LOC122539214: variants seen among roughly 807,000 people sequenced by gnomAD.
the LOC122539214 span, chr19:52,655,397 C>CT: frequency 1.4e-6 from 1 of 694,060 alleles, no homozygotes; most frequent in Non-Finnish European, 2.4e-6. Flanking sequence ...AGGATAGTCT[C>CT]TAAGAAGCTG....
At chr19:52,666,109 A>C in the LOC122539214 span, among the ~76,000 whole-genome samples, 1 of 149,740 alleles carries the variant, frequency 6.7e-6, no homozygotes, top group African/African-American at 2.5e-5. Context: ...GCTTGCAGTG[A>C]GCCAAGATCG....
At chr19:52,676,435 GC>G in the LOC122539214 span, among the ~76,000 whole-genome samples, 1 of 152,040 alleles carries the variant, frequency 6.6e-6, no homozygotes, top group Non-Finnish European at 1.5e-5. Flanking sequence ...TCTCTGCCTG[GC>G]CGCCCATGTC....
chr19:52,667,354 G>A, the LOC122539214 span, among the ~76,000 whole-genome samples: 1 of 152,018 alleles, frequency 6.6e-6, no homozygotes. Flanking sequence ...AGAAAGTTGA[G>A]GCATGTTGAA....
chr19:52,656,989 G>A, the LOC122539214 span, among the ~76,000 whole-genome samples: 1 of 152,034 alleles, frequency 6.6e-6, no homozygotes, highest in African/African-American at 2.4e-5. Flanking sequence ...GACCTAGAGA[G>A]GACACATCCA....
At chr19:52,685,637 C>T in the LOC122539214 span, among the ~76,000 whole-genome samples, 1,587 of 152,148 alleles carry the variant, frequency 0.01, 29 homozygotes, top group African/African-American at 0.036. Flanking sequence ...TAGCTCTTGC[C>T]TGTAATCCCA....
chr19:52,671,672 G>A, the LOC122539214 span, among the ~76,000 whole-genome samples: 7 of 152,094 alleles, frequency 4.6e-5, no homozygotes, highest in Non-Finnish European at 1.0e-4. Context: ...TCAACTCCTG[G>A]ACTCAAGCGA....
chr19:52,668,038 GT>G, the LOC122539214 span, among the ~76,000 whole-genome samples: 1 of 152,250 alleles, frequency 6.6e-6, no homozygotes, highest in African/African-American at 2.4e-5. Flanking sequence ...ATGTCCCCAC[GT>G]TTAAAACAAA....
At chr19:52,654,410 A>C in the LOC122539214 span, 4 of 1,092,656 alleles carry the variant, frequency 3.7e-6, no homozygotes, top group Non-Finnish European at 5.2e-6. Context: ...CTATCTAAAA[A>C]ATATAAAGAC....
the LOC122539214 span, among the ~76,000 whole-genome samples, chr19:52,689,245 G>T: frequency 1.3e-5 from 2 of 152,170 alleles, no homozygotes; most frequent in Non-Finnish European, 2.9e-5. Flanking sequence ...CACTGAGCCA[G>T]TGCGTACCTA....
chr19:52,661,472 C>A, the LOC122539214 span, among the ~76,000 whole-genome samples: 1 of 152,164 alleles, frequency 6.6e-6, no homozygotes, highest in Non-Finnish European at 1.5e-5. Flanking sequence ...CCTCAGTTCT[C>A]AATATGGGGG....
At chr19:52,663,585 T>C in the LOC122539214 span, among the ~76,000 whole-genome samples, 1 of 152,180 alleles carries the variant, frequency 6.6e-6, no homozygotes, top group African/African-American at 2.4e-5. Flanking sequence ...ATTTTGATGT[T>C]AGTGTAAAGA....
chr19:52,678,785 C>T, the LOC122539214 span, among the ~76,000 whole-genome samples: 1 of 151,962 alleles, frequency 6.6e-6, no homozygotes, highest in East Asian at 1.9e-4. Flanking sequence ...ACCAGCCTGG[C>T]CAACATAGTG....
the LOC122539214 span, among the ~76,000 whole-genome samples, chr19:52,656,822 T>C: frequency 4.4e-4 from 63 of 144,656 alleles, no homozygotes; most frequent in Non-Finnish European, 5.2e-4. Context: ...GCTGAGATAG[T>C]GCCATTTCAT....
the LOC122539214 span, among the ~76,000 whole-genome samples, chr19:52,656,910 CTCCTGGACA>C: frequency 1.3e-5 from 2 of 151,362 alleles, no homozygotes; most frequent in East Asian, 3.9e-4. Context: ...CATTAATGCT[CTCCTGGACA>C]CATTGCAAAT....
At chr19:52,683,615 C>G in the LOC122539214 span, among the ~76,000 whole-genome samples, 32 of 152,052 alleles carry the variant, frequency 2.1e-4, no homozygotes, top group Admixed American at 6.6e-4. Flanking sequence ...TGAGGCAGTT[C>G]ACACAGATGA....
the LOC122539214 span, among the ~76,000 whole-genome samples, chr19:52,666,100 C>G: frequency 8.7e-3 from 1,281 of 147,442 alleles, 22 homozygotes; most frequent in African/African-American, 0.03. Flanking sequence ...GGAGGCGGAG[C>G]TTGCAGTGAG....
chr19:52,666,020 C>T, the LOC122539214 span, among the ~76,000 whole-genome samples: 56 of 151,746 alleles, frequency 3.7e-4, no homozygotes, highest in Admixed American at 3.4e-3. Flanking sequence ...AAAAATTAGC[C>T]GGGCATGGTG....
At chr19:52,669,921 A>G in the LOC122539214 span, among the ~76,000 whole-genome samples, 27 of 152,236 alleles carry the variant, frequency 1.8e-4, no homozygotes, top group Admixed American at 1.8e-3. Flanking sequence ...AAGCCAAGAC[A>G]TGTTAAAGAA....
chr19:52,677,378 C>A, the LOC122539214 span, among the ~76,000 whole-genome samples: 8 of 150,044 alleles, frequency 5.3e-5, no homozygotes, highest in Non-Finnish European at 8.9e-5. Flanking sequence ...CCCAGCTACT[C>A]AGGAGGCTGA....
Sources: gnomAD v4.1 joint callset for allele counts (sites outside exome capture counted in the v4.1 genomes callset) on GRCh38, gnomAD v4.1.1 for gene constraint, MANE v1.5 for transcripts.